The following ITSN2 variants were observed in gnomAD, a reference collection of about 807,000 sequenced individuals.
The protein encoded by ITSN2 is intersectin 2.
In ITSN2, 156 loss-of-function variants were observed where a neutral mutation model predicts 243.7. That is an observed-to-expected ratio of 0.64 (90% CI 0.56 to 0.73). The LOEUF is 0.73. ITSN2 is among the 30% of genes least tolerant of loss of function. The pLI, the probability that ITSN2 is intolerant of heterozygous loss-of-function variation, is 0.00. For missense variants in ITSN2, 1,801 were observed against 1,996.1 expected (o/e 0.90, Z 1.86); for synonymous variants, 703 against 699.9 (o/e 1.00, Z -0.07).
chr2:24,358,913 T>C (rs957833692), intron 1 of ITSN2, among the ~76,000 whole-genome samples: 12 of 152,312 alleles, frequency 7.9e-5, no homozygotes, highest in African/African-American at 2.4e-4. Flanking sequence ...ATTACAAAGG[T>C]GGGCACAGGG....
intron 36 of ITSN2, 150 bp from the exon 37 acceptor site, chr2:24,208,469 A>G: frequency 1.5e-6 from 1 of 649,308 alleles, no homozygotes; most frequent in African/African-American, 1.8e-5. Flanking sequence ...CAACTGAAAG[A>G]TGCTTATGCT....
At chr2:24,332,287 T>C (rs1685883168) in intron 1 of ITSN2, among the ~76,000 whole-genome samples, 1 of 152,108 alleles carries the variant, frequency 6.6e-6, no homozygotes, top group South Asian at 2.1e-4. Context: ...TGTCTGCCCA[T>C]GTCCTGCCTG....
chr2:24,311,507 A>G (rs1683256217), intron 5 of ITSN2: 1 of 167,006 alleles, frequency 6.0e-6, no homozygotes, highest in Non-Finnish European at 1.5e-5. Flanking sequence ...TAGCCTCCCA[A>G]GCAGCCAGAA....
intron 24 of ITSN2, among the ~76,000 whole-genome samples, 160 bp from the exon 25 acceptor site, chr2:24,252,671 C>T (rs557168456): frequency 1.1e-4 from 17 of 152,258 alleles, no homozygotes; most frequent in African/African-American, 2.9e-4. Flanking sequence ...GAAAAAGGAA[C>T]GAAGCAATTA....
rs1458392806 is a variant in ITSN2 at position 24,242,630 on chromosome 2, ATTC to A, written c.3577+3496_3577+3498del. Among the ~76,000 whole-genome samples the A allele has an allele frequency of 2.0e-5, 3 of 152,318 alleles. No individual in the cohort carries two copies. The East Asian group carries it at 5.8e-4, about 29-fold the overall frequency. On this transcript the variant is annotated intron_variant, in intron 29 of 39. Transcript: ENST00000355123. ...CATCTTCTTTGAAAAAGCAATTATG[ATTC>A]TTCAATTTCTGATAAATAATTACTT...
intron 10 of ITSN2, among the ~76,000 whole-genome samples, chr2:24,301,523 CTTCT>C (rs1432615926): frequency 1.3e-5 from 2 of 150,316 alleles, no homozygotes; most frequent in Non-Finnish European, 3.0e-5. Context: ...AACACATCCA[CTTCT>C]TTTTTTTTTT....
Position 24,298,541 on chromosome 2 carries a change from C to A in ITSN2, c.1494+124G>T, listed in dbSNP as rs367572591. 42 of 808,574 alleles carry A rather than the reference C, an allele frequency of 5.2e-5. No homozygotes were observed. In the African/African-American group the frequency reaches 7.5e-4, roughly 14 times the overall value. 50.1% of individuals were successfully genotyped at this position (808,574 alleles called of 1,614,324 possible). On this transcript the variant is annotated intron_variant, in intron 13 of 39. Transcript: ENST00000355123. ...CAAACTCCTGCCCCAGTTGATCTGC[C>A]TGCCTTGGCCTCCCAAAGTGCTAGG... is the stretch of plus-strand genomic sequence containing the variant.
chr2:24,324,553 TGGGG>T, intron 2 of ITSN2, among the ~76,000 whole-genome samples: 1 of 152,098 alleles, frequency 6.6e-6, no homozygotes, highest in African/African-American at 2.4e-5. Flanking sequence ...TAAATGTTTA[TGGGG>T]TACAAAGATG....
At chr2:24,313,129 G>C (rs1683464536) in intron 4 of ITSN2, among the ~76,000 whole-genome samples, 1 of 148,892 alleles carries the variant, frequency 6.7e-6, no homozygotes, top group Non-Finnish European at 1.5e-5. Context: ...TGTCATCCAG[G>C]CTAGGGTGCA....
At chr2:24,342,817 A>G (rs2151911373) in intron 1 of ITSN2, among the ~76,000 whole-genome samples, 1 of 152,156 alleles carries the variant, frequency 6.6e-6, no homozygotes, top group South Asian at 2.1e-4. Context: ...CTGGCCTGGC[A>G]CAGTGGCTCA....
At chr2:24,308,875 G>C (rs756886861) in intron 7 of ITSN2, 119 bp from the exon 8 acceptor site, 11 of 673,378 alleles carry the variant, frequency 1.6e-5, no homozygotes, top group Non-Finnish European at 2.6e-5. Context: ...CCGGGCCACC[G>C]ACCTGTTAGG....
At chr2:24,319,762 G>T (rs1250570313) in intron 2 of ITSN2, among the ~76,000 whole-genome samples, 1 of 152,208 alleles carries the variant, frequency 6.6e-6, no homozygotes, top group South Asian at 2.1e-4. Flanking sequence ...AGTAGGGGTT[G>T]CAGGGGGAAT....
At chr2:24,326,852 G>A (rs777197380) in intron 2 of ITSN2, among the ~76,000 whole-genome samples, 8 of 151,968 alleles carry the variant, frequency 5.3e-5, no homozygotes, top group East Asian at 1.9e-4. Flanking sequence ...ATGTATTTTC[G>A]TTATTAACAA....
At chr2:24,317,006 A>C (rs564169523) in intron 2 of ITSN2, among the ~76,000 whole-genome samples, 6 of 152,228 alleles carry the variant, frequency 3.9e-5, no homozygotes, top group Non-Finnish European at 8.8e-5. Context: ...GAATAACCTG[A>C]AAAGCCTTGT....
At chr2:24,271,631 G>A in intron 19 of ITSN2, 135 bp downstream of exon 19, 1 of 1,132,510 alleles carries the variant, frequency 8.8e-7, no homozygotes, top group Non-Finnish European at 1.2e-6. Flanking sequence ...TTTTATCCAA[G>A]TTTAATTTAT....
intron 17 of ITSN2, among the ~76,000 whole-genome samples, chr2:24,280,513 T>C (rs141839746): frequency 6.6e-6 from 1 of 152,222 alleles, no homozygotes; most frequent in Non-Finnish European, 1.5e-5. Flanking sequence ...CAATCTTCTC[T>C]GAACGAAAAT....
At chr2:24,260,798 G>T (rs1426834416) in intron 22 of ITSN2, among the ~76,000 whole-genome samples, 2 of 151,616 alleles carry the variant, frequency 1.3e-5, no homozygotes, top group Non-Finnish European at 2.9e-5. Context: ...CAGCTACTCA[G>T]GAGGCTGAGT....
intron 1 of ITSN2, among the ~76,000 whole-genome samples, chr2:24,339,300 A>G (rs1356337715): frequency 1.0e-5 from 1 of 100,188 alleles, no homozygotes; most frequent in African/African-American, 3.0e-5. Context: ...AGGAAACTCC[A>G]TCTCTACAAA....
At chr2:24,286,440 A>G in intron 15 of ITSN2, 89 bp from the exon 16 acceptor site, 1 of 1,073,076 alleles carries the variant, frequency 9.3e-7, no homozygotes. Flanking sequence ...AGATTGATGT[A>G]ACTAGACCAA....
Sources: allele counts gnomAD v4.1 joint callset (sites outside exome capture counted in the v4.1 genomes callset), GRCh38; gene constraint gnomAD v4.1.1; transcripts MANE v1.5; gene names NCBI Gene and HGNC (gene_info 2026-07-23, HGNC 2026-07-21).